Variants in GNAL observed in about 807,000 individuals in gnomAD.
GNAL encodes the protein G protein subunit alpha L, also known as guanine nucleotide-binding protein G(olf) subunit alpha.
Under a neutral mutation model 55.1 loss-of-function variants are expected in GNAL, and 18 were observed. That is an observed-to-expected ratio of 0.33 (90% confidence interval 0.23 to 0.48). The LOEUF (loss-of-function observed/expected upper bound fraction) is 0.48. Among genes scored for constraint, GNAL ranks in the 20% least tolerant of loss-of-function variants. The pLI, the probability that GNAL is intolerant of heterozygous loss-of-function variation, is 0.99. For synonymous variants in GNAL, 253 were observed against 237.0 expected, an observed-to-expected ratio of 1.07 and a Z score of -0.62; for missense variants, 412 against 614.1, an observed-to-expected ratio of 0.67 and a Z score of 3.48.
chr18:11,734,905 A>G (rs1356938767), intron 1 of GNAL, among the ~76,000 whole-genome samples: 1 of 147,708 alleles, frequency 6.8e-6, no homozygotes, highest in Non-Finnish European at 1.5e-5. Context: ...GCTTGAACCA[A>G]GTATAGAACC....
rs546476293 is a variant in GNAL at position 11,868,336 on chromosome 18, A to C, written c.911-207A>C. Among the ~76,000 whole-genome samples the C allele has an allele frequency of 1.8e-4, 27 of 151,996 alleles. No individual in the cohort carries two copies. The highest frequency in any genetic ancestry group is 3.4e-3 in the Middle Eastern group (1 of 294). On this transcript the variant is annotated intron_variant, in intron 8 of 11. Coordinates refer to ENST00000334049, the MANE Select transcript of GNAL (RefSeq NM_182978.4). The surrounding 1 kb of genome is among the most constrained non-coding windows in gnomAD (Gnocchi z 4.0). ...AAGCACTTAAGCATCCCAAATTTAC[A>C]TGTGTCTTTTGGGGTGGGCTCTTCA...
intron 4 of GNAL, among the ~76,000 whole-genome samples, chr18:11,801,571 A>G (rs2034523975): frequency 6.6e-6 from 1 of 152,134 alleles, no homozygotes; most frequent in Non-Finnish European, 1.5e-5. Flanking sequence ...GCTGACCTAC[A>G]CTGTGAAAAC....
At chr18:11,839,888 T>G (rs549035402) in intron 5 of GNAL, among the ~76,000 whole-genome samples, 2 of 152,222 alleles carry the variant, frequency 1.3e-5, no homozygotes, top group African/African-American at 2.4e-5. Flanking sequence ...AGGAATGTAA[T>G]GAAAGCTTTT....
intron 5 of GNAL, among the ~76,000 whole-genome samples, chr18:11,838,344 C>T (rs1309498994): frequency 6.6e-6 from 1 of 152,078 alleles, no homozygotes; most frequent in African/African-American, 2.4e-5. Context: ...ATGAAATGTC[C>T]AGAATAGGTG....
chr18:11,864,188 G>A (rs915430886), intron 6 of GNAL, among the ~76,000 whole-genome samples: 17 of 151,186 alleles, frequency 1.1e-4, no homozygotes, highest in African/African-American at 3.9e-4. Flanking sequence ...TTGGGTTCAA[G>A]CGATTCTCCT....
At chr18:11,804,968 A>T (rs11876661) in intron 4 of GNAL, among the ~76,000 whole-genome samples, 1 of 101,248 alleles carries the variant, frequency 9.9e-6, no homozygotes, top group Non-Finnish European at 2.3e-5. Flanking sequence ...GTGCAGTTTG[A>T]GTGGAACATG....
intron 4 of GNAL, among the ~76,000 whole-genome samples, chr18:11,769,537 A>G (rs1163015869): frequency 1.3e-5 from 2 of 152,154 alleles, no homozygotes; most frequent in Non-Finnish European, 2.9e-5. Flanking sequence ...TTGTTCCATG[A>G]TGTTCAGAAA....
chr18:11,827,834 G>A (rs976993455), intron 5 of GNAL, among the ~76,000 whole-genome samples: 1 of 151,984 alleles, frequency 6.6e-6, no homozygotes, highest in African/African-American at 2.4e-5. Flanking sequence ...AGCCGGGCGT[G>A]GTGGCCGGCA....
intron 4 of GNAL, among the ~76,000 whole-genome samples, chr18:11,800,506 G>T (rs1163535059): frequency 6.6e-6 from 1 of 152,224 alleles, no homozygotes; most frequent in East Asian, 1.9e-4. Flanking sequence ...GCAGTTTATT[G>T]TTGTGTGGGA....
At chr18:11,795,192 G>A (rs975627341) in intron 4 of GNAL, among the ~76,000 whole-genome samples, 39 of 152,104 alleles carry the variant, frequency 2.6e-4, no homozygotes, top group Middle Eastern at 3.4e-3. Context: ...TTGAGTCCAG[G>A]AGTTCAAGAC....
At chr18:11,738,723 A>C (rs1598421164) in intron 1 of GNAL, among the ~76,000 whole-genome samples, 1 of 152,164 alleles carries the variant, frequency 6.6e-6, no homozygotes, top group Non-Finnish European at 1.5e-5. Context: ...TGCTGGGATT[A>C]CAAGCATGAG....
At chr18:11,739,431 C>T (rs1397407888) in intron 1 of GNAL, among the ~76,000 whole-genome samples, 1 of 152,094 alleles carries the variant, frequency 6.6e-6, no homozygotes. Flanking sequence ...GCAGGGTATT[C>T]CCTTAGGTGA....
intron 10 of GNAL, among the ~76,000 whole-genome samples, chr18:11,873,245 A>G (rs1249794361): frequency 1.3e-5 from 2 of 152,238 alleles, no homozygotes; most frequent in African/African-American, 2.4e-5. Flanking sequence ...TTTATTTTTT[A>G]TCCTCAATGA....
rs182715517 is a variant in GNAL, at chr18:11,862,471, C to G, written c.777+22C>G. On this transcript the variant is annotated intron_variant, in intron 6 of 11. Transcript: ENST00000334049. Reference sequence around the variant, plus strand: ...CCAGGTATGTGGAATTAGGGTCCCCCACCACACACCAGAAACTTTGAGATT... The same window carrying G: ...CCAGGTATGTGGAATTAGGGTCCCCGACCACACACCAGAAACTTTGAGATT... 188 of 1,511,104 alleles carry G rather than the reference C, an allele frequency of 1.2e-4. No individual in the cohort carries two copies. In the African/African-American group the frequency reaches 2.4e-3, roughly 19 times the overall value. 93.6% of individuals were successfully genotyped at this position (1,511,104 alleles called of 1,614,324 possible).
chr18:11,849,518 A>AAAAG (rs1353854544), intron 5 of GNAL, among the ~76,000 whole-genome samples: 2 of 131,828 alleles, frequency 1.5e-5, no homozygotes, highest in African/African-American at 5.2e-5. Flanking sequence ...AAAAAAAAAA[A>AAAAG]AAAGAAAGAA....
chr18:11,851,323 C>G, intron 5 of GNAL: 1 of 676,244 alleles, frequency 1.5e-6, no homozygotes, highest in East Asian at 3.0e-5. Flanking sequence ...AGGCCCCACC[C>G]CGGCGCCTTC....
chr18:11,743,616 A>C (rs1043732654), intron 1 of GNAL, among the ~76,000 whole-genome samples: 1 of 152,190 alleles, frequency 6.6e-6, no homozygotes, highest in Admixed American at 6.5e-5. Context: ...TGGTAAAGAG[A>C]GCACCATCTT....
chr18:11,736,889 A>C (rs2143462951), intron 1 of GNAL, among the ~76,000 whole-genome samples: 1 of 152,364 alleles, frequency 6.6e-6, no homozygotes, highest in African/African-American at 2.4e-5. Flanking sequence ...ATACCTATGG[A>C]CAAGGGCATA....
chr18:11,871,220 G>A (rs1003853635), intron 9 of GNAL, among the ~76,000 whole-genome samples: 1 of 151,232 alleles, frequency 6.6e-6, no homozygotes, highest in Non-Finnish European at 1.5e-5. Context: ...TCCATTTGAC[G>A]GGAAAGTGGA....
Sources: gnomAD v4.1 joint callset for allele counts (sites outside exome capture counted in the v4.1 genomes callset) on GRCh38, gnomAD v4.1.1 for gene constraint, Gnocchi (gnomAD v3.1) non-coding constraint, MANE v1.5 for transcripts, NCBI Gene and HGNC (gene_info 2026-07-23, HGNC 2026-07-21) for gene names.